Variants in ARIH1 observed in about 807,000 individuals in gnomAD.
The protein encoded by ARIH1 is E3 ubiquitin-protein ligase ARIH1.
ARIH1 carries 8 observed loss-of-function variants against 85.0 expected under a neutral mutation model. The ratio of observed to expected loss-of-function variants is 0.09; its 90% CI spans 0.06 to 0.17. ARIH1 has a LOEUF of 0.17. Among genes scored for constraint, ARIH1 ranks in the 10% least tolerant of loss-of-function variants. The probability of loss-of-function intolerance (pLI) is 1.00; values close to 1 mark genes in which losing one functional copy is unlikely to be tolerated. For synonymous variants in ARIH1, 238 were observed against 253.6 expected (o/e 0.94, Z 0.59); for missense variants, 311 against 718.1 (o/e 0.43, Z 6.48).
intron 7 of ARIH1, among the ~76,000 whole-genome samples, chr15:72,565,028 A>T (rs1317500787): frequency 6.6e-6 from 1 of 152,096 alleles, no homozygotes; most frequent in Admixed American, 6.6e-5. Flanking sequence ...TAAGAAGCCA[A>T]TCAAGTCAAG....
rs371429670 is a variant in ARIH1 at position 72,498,722 on chromosome 15, C to T, written c.376-19345C>T. On this transcript the variant is annotated intron_variant, in intron 1 of 13. Transcript: ENST00000379887. ...GGGTGTGGTGGTGCATGCCTGTAAT[C>T]CCAGCTACCTGGGAGGCTGAGGCAG... 9.9e-5 allele frequency among the ~76,000 whole-genome samples: 15 copies of T among 151,844 alleles called. No individual in the cohort carries two copies. In the East Asian group the frequency reaches 2.2e-3, roughly 22 times the overall value.
chr15:72,529,209 A>G (rs1010995340), intron 2 of ARIH1, among the ~76,000 whole-genome samples: 3 of 152,128 alleles, frequency 2.0e-5, no homozygotes, highest in African/African-American at 7.2e-5. Flanking sequence ...AAAAAAAAAA[A>G]GCAAATGTAC....
chr15:72,532,667 A>T (rs1171856577), intron 2 of ARIH1, among the ~76,000 whole-genome samples: 1 of 152,246 alleles, frequency 6.6e-6, no homozygotes. Flanking sequence ...GCACGCACAC[A>T]AAACAAAAAC....
At chr15:72,482,547 C>T (rs1595847796) in intron 1 of ARIH1, among the ~76,000 whole-genome samples, 1 of 152,202 alleles carries the variant, frequency 6.6e-6, no homozygotes, top group East Asian at 1.9e-4. Context: ...TAGAATGGAG[C>T]TTATAAATGC....
At chr15:72,516,549 C>T (rs1384712090) in intron 1 of ARIH1, among the ~76,000 whole-genome samples, 1 of 152,166 alleles carries the variant, frequency 6.6e-6, no homozygotes, top group African/African-American at 2.4e-5. Flanking sequence ...CACATCTTAA[C>T]TCTTATAGAT....
intron 2 of ARIH1, among the ~76,000 whole-genome samples, chr15:72,543,100 T>A (rs1170463745): frequency 6.6e-6 from 1 of 151,276 alleles, no homozygotes; most frequent in African/African-American, 2.4e-5. Context: ...GCCCAGCTAA[T>A]TTTTTTGTAT....
intron 2 of ARIH1, among the ~76,000 whole-genome samples, chr15:72,525,883 C>T (rs73444759): frequency 0.038 from 5,798 of 152,038 alleles, 327 homozygotes; most frequent in African/African-American, 0.13. Context: ...ACAAGCGATC[C>T]TCTCACCTCA....
At chr15:72,508,927 T>C (rs146328861) in intron 1 of ARIH1, among the ~76,000 whole-genome samples, 5,054 of 152,050 alleles carry the variant, frequency 0.033, 118 homozygotes, top group Middle Eastern at 0.11. Flanking sequence ...CTCCTGACTT[T>C]AGGTGATCTA....
chr15:72,505,105 C>G (rs1029174038), intron 1 of ARIH1, among the ~76,000 whole-genome samples: 2 of 152,180 alleles, frequency 1.3e-5, no homozygotes, highest in African/African-American at 2.4e-5. Flanking sequence ...GCTCCTCAAA[C>G]TTTAACATGC....
intron 1 of ARIH1, among the ~76,000 whole-genome samples, chr15:72,478,506 C>T (rs1243863866): frequency 6.6e-6 from 1 of 152,184 alleles, no homozygotes; most frequent in Non-Finnish European, 1.5e-5. Context: ...AGTATTTAAA[C>T]TTGCCATTTT....
chr15:72,486,582 A>G (rs1379718690), intron 1 of ARIH1, among the ~76,000 whole-genome samples: 2 of 151,070 alleles, frequency 1.3e-5, no homozygotes, highest in Non-Finnish European at 2.9e-5. Context: ...AGTGATGGAT[A>G]GTATGCTATC....
At position 72,476,234 on chromosome 15, in the gene ARIH1, A is replaced by G. The variant is rs545986545; in HGVS notation, c.375+1220A>G. 1.3e-3 allele frequency among the ~76,000 whole-genome samples: 193 copies of G among 152,356 alleles called. 1 individual carries two copies. Among genetic ancestry groups the G allele is most frequent in the African/African-American group, 4.5e-3 (187 of 41,580 alleles). On this transcript the variant is annotated intron_variant, in intron 1 of 13. Coordinates refer to ENST00000379887, the MANE Select transcript of ARIH1 (RefSeq NM_005744.5). ...GTTTTAAAAATTGAAGCATCTATTC[A>G]GGCACTGTTTCAATACAGTGTTTTG...
At chr15:72,572,750 A>G (rs2064254325) in intron 11 of ARIH1, among the ~76,000 whole-genome samples, 1 of 152,222 alleles carries the variant, frequency 6.6e-6, no homozygotes, top group African/African-American at 2.4e-5. Flanking sequence ...AGTGAACAGC[A>G]TTTGTTAAAT....
chr15:72,595,363 T>A lies in ARIH1; in HGVS notation c.*12071T>A, dbSNP rs1257582060. ...CCAGGCAAATTTAAGAAATTTTTTGTAGATCTTGCCGTGTTGCCCATGATG... is the reference window on the plus strand; with the variant it reads ...CCAGGCAAATTTAAGAAATTTTTTGAAGATCTTGCCGTGTTGCCCATGATG... On this transcript the variant is annotated 3_prime_UTR_variant, in exon 14 of 14. Transcript: ENST00000379887. 2.0e-5 allele frequency: 3 copies of A among 152,294 alleles called. No homozygotes were observed. The East Asian group carries it at 5.8e-4, about 29-fold the overall frequency. The allele number at this position is 152,294 out of a possible 1,614,324, so 9.4% of individuals were successfully genotyped here. A position where few individuals can be genotyped will look rare whatever the true frequency, so the allele number is the denominator to read the frequency against.
chr15:72,521,548 C>CTTTTT (rs967917975), intron 2 of ARIH1, among the ~76,000 whole-genome samples: 1 of 146,520 alleles, frequency 6.8e-6, no homozygotes, highest in East Asian at 2.0e-4. Context: ...TGTCTTCTAA[C>CTTTTT]TTTTTTTTTT....
Position 72,474,498 on chromosome 15 carries a change from C to A in ARIH1, c.-142C>A. ...AGCCGTCAAACGCCAACCGCCGCTC[C>A]TGGGGAGGAGCCGCGGCTCGCGGGG... On this transcript the variant is annotated 5_prime_UTR_variant, in exon 1 of 14. The change creates a new upstream start codon in the 5' untranslated region. Coordinates refer to ENST00000379887, the MANE Select transcript of ARIH1 (RefSeq NM_005744.5). The A allele has an allele frequency of 8.6e-7, 1 of 1,156,944 alleles. No individual in the cohort carries two copies. Among genetic ancestry groups the A allele is most frequent in the Non-Finnish European group, 1.2e-6 (1 of 864,122 alleles). 71.7% of individuals were successfully genotyped at this position (1,156,944 alleles called of 1,614,324 possible).
chr15:72,562,666 G>A (rs1347948071), intron 6 of ARIH1, among the ~76,000 whole-genome samples: 1 of 150,530 alleles, frequency 6.6e-6, no homozygotes, highest in Non-Finnish European at 1.5e-5. Flanking sequence ...ATATCCTTTA[G>A]CCTATCTTGA....
At chr15:72,490,301 A>T (rs1307670954) in intron 1 of ARIH1, among the ~76,000 whole-genome samples, 1 of 151,956 alleles carries the variant, frequency 6.6e-6, no homozygotes, top group Non-Finnish European at 1.5e-5. Flanking sequence ...AGTTTATTAC[A>T]GCAGGAGTTC....
At chr15:72,520,128 T>A (rs1048217047) in intron 2 of ARIH1, among the ~76,000 whole-genome samples, 6 of 152,168 alleles carry the variant, frequency 3.9e-5, no homozygotes, top group African/African-American at 1.4e-4. Context: ...TCTAAAAAAA[T>A]AGGTGGTAAG....
Sources: gnomAD v4.1 joint callset for allele counts (sites outside exome capture counted in the v4.1 genomes callset) on GRCh38, gnomAD v4.1.1 for gene constraint, MANE v1.5 for transcripts, NCBI Gene and HGNC (gene_info 2026-07-23, HGNC 2026-07-21) for gene names.